MARCHF4: variants seen among roughly 807,000 people sequenced by gnomAD.
MARCHF4 encodes the protein E3 ubiquitin-protein ligase MARCHF4.
In MARCHF4, 14 loss-of-function variants were observed where a neutral mutation model predicts 43.9. The observed-to-expected ratio is 0.32, with a 90% CI of 0.21 to 0.50. The LOEUF (loss-of-function observed/expected upper bound fraction) is 0.50, where lower values mean the gene tolerates loss of function less well. Among genes scored for constraint, MARCHF4 ranks in the 20% least tolerant of loss-of-function variants. The pLI, the probability that MARCHF4 is intolerant of heterozygous loss-of-function variation, is 0.98. For synonymous variants in MARCHF4, 226 were observed against 213.3 expected (o/e 1.06, Z -0.52); for missense variants, 468 against 536.7 (o/e 0.87, Z 1.27).
chr2:216,300,690 C>T (rs907558795), intron 1 of MARCHF4, among the ~76,000 whole-genome samples: 2 of 152,006 alleles, frequency 1.3e-5, no homozygotes, highest in East Asian at 1.9e-4. Flanking sequence ...ATACAAAGCT[C>T]GAAGATAATA....
chr2:216,332,404 A>G (rs1481810695), intron 1 of MARCHF4, among the ~76,000 whole-genome samples: 2 of 151,230 alleles, frequency 1.3e-5, no homozygotes, highest in Non-Finnish European at 2.9e-5. Flanking sequence ...AAAAAAAAAA[A>G]GAAAGAAAGA....
intron 1 of MARCHF4, among the ~76,000 whole-genome samples, chr2:216,298,816 A>T (rs1293960513): frequency 2.0e-5 from 3 of 152,210 alleles, no homozygotes; most frequent in Non-Finnish European, 4.4e-5. Context: ...TCACAAAAAA[A>T]TTCTCATGGT....
At chr2:216,304,429 AC>A (rs1404035937) in intron 1 of MARCHF4, among the ~76,000 whole-genome samples, 1 of 152,160 alleles carries the variant, frequency 6.6e-6, no homozygotes, top group East Asian at 1.9e-4. Flanking sequence ...TGCAAAACTG[AC>A]ACCTAGATCC....
chr2:216,304,864 G>A (rs1388551594), intron 1 of MARCHF4, among the ~76,000 whole-genome samples: 3 of 152,102 alleles, frequency 2.0e-5, no homozygotes, highest in African/African-American at 7.2e-5. Flanking sequence ...TGAGGCAGGA[G>A]AATCGCTTGA....
chr2:216,353,091 A>T (rs1348173934), intron 1 of MARCHF4, among the ~76,000 whole-genome samples: 1 of 152,180 alleles, frequency 6.6e-6, no homozygotes, highest in Non-Finnish European at 1.5e-5. Context: ...CTAGAACTTC[A>T]TTTCCTGTGC....
intron 1 of MARCHF4, among the ~76,000 whole-genome samples, chr2:216,305,257 G>C (rs1479877949): frequency 6.6e-6 from 1 of 152,206 alleles, no homozygotes; most frequent in African/African-American, 2.4e-5. Context: ...GTATTGGTGA[G>C]TCCGGTATGC....
At chr2:216,334,404 T>C (rs1383205407) in intron 1 of MARCHF4, among the ~76,000 whole-genome samples, 1 of 152,038 alleles carries the variant, frequency 6.6e-6, no homozygotes, top group Non-Finnish European at 1.5e-5. Flanking sequence ...TAAGGTGATA[T>C]GCTAACATCT....
intron 1 of MARCHF4, among the ~76,000 whole-genome samples, chr2:216,317,880 T>C (rs746241478): frequency 2.0e-5 from 3 of 152,236 alleles, no homozygotes; most frequent in Non-Finnish European, 4.4e-5. Flanking sequence ...CAGTTTGTGC[T>C]GATGGAGGAC....
intron 1 of MARCHF4, among the ~76,000 whole-genome samples, chr2:216,357,568 G>A (rs972812967): frequency 8.5e-5 from 13 of 152,148 alleles, no homozygotes; most frequent in African/African-American, 2.9e-4. Flanking sequence ...CAATCTTCCC[G>A]CCTTAGTCAG....
chr2:216,298,265 T>G (rs1691429577), intron 1 of MARCHF4, among the ~76,000 whole-genome samples: 2 of 139,956 alleles, frequency 1.4e-5, no homozygotes, highest in Non-Finnish European at 3.1e-5. Context: ...GGTTTTTTTT[T>G]TTTTTTTTTT....
intron 1 of MARCHF4, among the ~76,000 whole-genome samples, chr2:216,324,141 C>T (rs1485180955): frequency 2.7e-4 from 39 of 146,514 alleles, no homozygotes; most frequent in African/African-American, 9.4e-4. Context: ...ATATCACCAC[C>T]GATCCCACAG....
intron 1 of MARCHF4, among the ~76,000 whole-genome samples, chr2:216,325,389 C>T (rs1289265450): frequency 6.6e-6 from 1 of 152,174 alleles, no homozygotes; most frequent in Non-Finnish European, 1.5e-5. Context: ...GGCCATACTG[C>T]CCAAGGTAAT....
At chr2:216,330,228 A>G (rs1006105623) in intron 1 of MARCHF4, among the ~76,000 whole-genome samples, 2 of 152,222 alleles carry the variant, frequency 1.3e-5, no homozygotes, top group African/African-American at 4.8e-5. Context: ...ATGGTCATCC[A>G]TTTTATAATG....
At chr2:216,361,057 C>T (rs932462522) in intron 1 of MARCHF4, among the ~76,000 whole-genome samples, 1 of 151,810 alleles carries the variant, frequency 6.6e-6, no homozygotes, top group African/African-American at 2.4e-5. Context: ...TGCTGTGAAC[C>T]TAAAGCTGCT....
chr2:216,367,182 C>T (rs1314026218), intron 1 of MARCHF4, among the ~76,000 whole-genome samples: 1 of 152,180 alleles, frequency 6.6e-6, no homozygotes, highest in East Asian at 1.9e-4. Flanking sequence ...AACACCAAGA[C>T]ATTCAGCTAC....
intron 2 of MARCHF4, 28 bp downstream of exon 2, chr2:216,283,546 A>G: frequency 1.3e-6 from 2 of 1,565,264 alleles, no homozygotes; most frequent in Non-Finnish European, 8.7e-7. Context: ...CAGGCCCAGC[A>G]ACCCCACCAG....
At chr2:216,278,170 GA>G (rs1027784010) in intron 2 of MARCHF4, among the ~76,000 whole-genome samples, 2 of 152,184 alleles carry the variant, frequency 1.3e-5, no homozygotes, top group Non-Finnish European at 2.9e-5. Context: ...AGGGAACAAT[GA>G]AAATGCAGAG....
At chr2:216,270,415 C>T (rs112347058) in intron 3 of MARCHF4, among the ~76,000 whole-genome samples, 28 of 152,220 alleles carry the variant, frequency 1.8e-4, no homozygotes, top group African/African-American at 6.7e-4. Flanking sequence ...CCCGCCCCAA[C>T]CCCATCAGTC....
chr2:216,333,113 A>G (rs530897810), intron 1 of MARCHF4, among the ~76,000 whole-genome samples: 1 of 152,170 alleles, frequency 6.6e-6, no homozygotes, highest in Non-Finnish European at 1.5e-5. Flanking sequence ...ATTTTCTTAC[A>G]TACACACAAA....
Sources: allele counts gnomAD v4.1 joint callset (sites outside exome capture counted in the v4.1 genomes callset), GRCh38; gene constraint gnomAD v4.1.1; transcripts MANE v1.5; gene names NCBI Gene and HGNC (gene_info 2026-07-23, HGNC 2026-07-21).